The following COL11A1 variants were observed in gnomAD, a reference collection of about 807,000 sequenced individuals.
COL11A1 encodes collagen alpha-1(XI) chain.
A neutral mutation model predicts 265.2 loss-of-function variants in COL11A1; 74 were observed. The observed-to-expected ratio is 0.28, with a 90% CI of 0.23 to 0.34. The LOEUF (loss-of-function observed/expected upper bound fraction) is 0.34, where lower values mean the gene tolerates loss of function less well. Among genes scored for constraint, COL11A1 ranks in the 10% least tolerant of loss-of-function variants. COL11A1 has a pLI of 1.00. For synonymous variants in COL11A1, 816 were observed against 727.6 expected (o/e 1.12, Z -1.96); for missense variants, 2,165 against 2,263.6 (o/e 0.96, Z 0.88).
At chr1:103,029,514 C>A (rs1292538076) in intron 5 of COL11A1, among the ~76,000 whole-genome samples, 1 of 151,778 alleles carries the variant, frequency 6.6e-6, no homozygotes, top group Non-Finnish European at 1.5e-5. Context: ...GAAGGATCAA[C>A]ATAATTTAGA....
Position 103,026,195 on chromosome 1 carries a change from C to A in COL11A1, c.897+21G>T, listed in dbSNP as rs754628795. 6 of 1,516,760 alleles carry A rather than the reference C, an allele frequency of 4.0e-6. No homozygotes were observed. In the South Asian group the frequency reaches 5.6e-5, roughly 14 times the overall value. 94.0% of individuals were successfully genotyped at this position (1,516,760 alleles called of 1,614,324 possible). A position where few individuals can be genotyped will look rare whatever the true frequency, so the allele number is the denominator to read the frequency against. On this transcript the variant is annotated intron_variant, in intron 6 of 66. Transcript: ENST00000370096. Reference sequence around the variant, plus strand: ...GACGAACAGCAGGACACCACATACACAGGCACTGCTTTGTTTTTACCTCCG... The same window carrying A: ...GACGAACAGCAGGACACCACATACAAAGGCACTGCTTTGTTTTTACCTCCG...
intron 1 of COL11A1, among the ~76,000 whole-genome samples, chr1:103,084,683 A>T (rs1034046989): frequency 6.6e-6 from 1 of 152,170 alleles, no homozygotes; most frequent in Non-Finnish European, 1.5e-5. Flanking sequence ...TAAGCAAGTC[A>T]GGACATGAAT....
intron 48 of COL11A1, 65 bp downstream of exon 48, chr1:102,921,453 T>A (rs1330891921): frequency 3.9e-6 from 5 of 1,290,284 alleles, no homozygotes; most frequent in Admixed American, 3.6e-5. Context: ...ACAAAGAGCA[T>A]CTGCTATAAA....
At chr1:102,891,102 A>T (rs1430268753) in intron 57 of COL11A1, among the ~76,000 whole-genome samples, 1 of 152,054 alleles carries the variant, frequency 6.6e-6, no homozygotes, top group Non-Finnish European at 1.5e-5. Context: ...TAATTCTTCT[A>T]GGCCATGGCC....
At position 103,097,269 on chromosome 1, in the gene COL11A1, C is replaced by T. The variant is rs191817649; in HGVS notation, c.106+10804G>A. On this transcript the variant is annotated intron_variant, in intron 1 of 66. Transcript: ENST00000370096. ...TTATGATCTTGTGTTATGTGTCCCCCGCCTTCTTCCCCAGCACCATCTCAC... is the reference window on the plus strand; with the variant it reads ...TTATGATCTTGTGTTATGTGTCCCCTGCCTTCTTCCCCAGCACCATCTCAC... Among the ~76,000 whole-genome samples, 12 of 152,008 alleles carry T rather than the reference C, an allele frequency of 7.9e-5. No homozygotes were observed. The East Asian group carries it at 1.9e-3, about 24-fold the overall frequency.
chr1:103,090,503 C>A (rs7544816), intron 1 of COL11A1, among the ~76,000 whole-genome samples: 10,192 of 152,126 alleles, frequency 0.067, 503 homozygotes, highest in African/African-American at 0.13. Flanking sequence ...CTGGGACATG[C>A]CAAGCCTATA....
At chr1:103,017,739 G>A in intron 11 of COL11A1, 81 bp downstream of exon 11, 1 of 1,227,294 alleles carries the variant, frequency 8.1e-7, no homozygotes, top group Non-Finnish European at 1.2e-6. Context: ...AAGATAACAT[G>A]TTATACTTGT....
At position 102,996,004 on chromosome 1, in the gene COL11A1, G is replaced by A. The variant is rs745385206; in HGVS notation, c.2280C>T (p.Gly760=). ...PGPQGPIGYP[G]PRGVKGADGV... The stretch of plus-strand genomic sequence containing the variant: ...TTAACGTTACCTTTACTCCCCGGGG[G>A]CCCGGGTATCCAATAGGACCTTGTG... Residue 760 remains glycine (G), a synonymous_variant, in exon 27 of 67, where the codon GGC becomes GGT. Coordinates refer to ENST00000370096, the MANE Select transcript of COL11A1 (RefSeq NM_001854.4). 12 of 1,613,192 alleles carry A rather than the reference G, an allele frequency of 7.4e-6. No homozygotes were observed. The African/African-American group carries it at 1.1e-4, about 14-fold the overall frequency.
At chr1:103,025,890 G>T in intron 6 of COL11A1, 1 of 1,612,644 alleles carries the variant, frequency 6.2e-7, no homozygotes, top group South Asian at 1.1e-5. Flanking sequence ...TAAACTTTTT[G>T]GATTTTTCCT....
rs1661053088 is a variant in COL11A1, at chr1:102,962,827, A to C, written c.2917-67T>G. On this transcript the variant is annotated intron_variant, in intron 38 of 66. Coordinates refer to ENST00000370096, the MANE Select transcript of COL11A1 (RefSeq NM_001854.4). ...TTTTGGCAAAGATAACACAAACTCA[A>C]AAACAGTATTATTACATTTACAAAA... 7.8e-6 allele frequency: 11 copies of C among 1,407,574 alleles called. No individual in the cohort carries two copies. The Admixed American group carries it at 1.7e-4, about 22-fold the overall frequency. The allele number at this position is 1,407,574 out of a possible 1,614,324, so 87.2% of individuals were successfully genotyped here.
chr1:102,985,561 A>T (rs1281508475), intron 30 of COL11A1, among the ~76,000 whole-genome samples: 1 of 152,172 alleles, frequency 6.6e-6, no homozygotes, highest in Non-Finnish European at 1.5e-5. Context: ...GGTAATTACC[A>T]CATTAGAATG....
chr1:103,099,116 TTTCTGTTCTAGATGGA>T (rs1317126835), intron 1 of COL11A1, among the ~76,000 whole-genome samples: 2 of 151,810 alleles, frequency 1.3e-5, no homozygotes, highest in East Asian at 3.9e-4. Context: ...TTCTAGATGC[TTTCTGTTCTAGATGGA>T]TTCTGTTCTA....
intron 21 of COL11A1, 67 bp downstream of exon 21, chr1:103,003,148 T>C (rs1483128317): frequency 6.5e-7 from 1 of 1,541,472 alleles, no homozygotes; most frequent in East Asian, 2.3e-5. Flanking sequence ...TGAGGGCTTT[T>C]ATGGCCTCTA....
At position 102,888,747 on chromosome 1, in the gene COL11A1, G is replaced by A. The variant is rs775945644; in HGVS notation, c.4530C>T (p.Gly1510=). The change falls in exon 61 of 67, where the codon GGC becomes GGT. Residue 1510 remains glycine, a synonymous_variant. Coordinates refer to ENST00000370096, the MANE Select transcript of COL11A1 (RefSeq NM_001854.4). ...CAGTAGAGCCTTTGTTACCCTTTGG[G>A]CCTTGAGGACCCTACAAAATGCAAA... ...PGPPGLPGPQ[G]PKGNKGSTGP... is the part of the protein sequence containing the mutation. 2.5e-6 allele frequency: 4 copies of A among 1,613,930 alleles called. No individual in the cohort carries two copies. In the South Asian group the frequency reaches 4.4e-5, roughly 18 times the overall value.
chr1:103,037,769 T>A (rs1024586689), intron 4 of COL11A1, among the ~76,000 whole-genome samples: 22 of 152,190 alleles, frequency 1.4e-4, no homozygotes, highest in African/African-American at 5.3e-4. Flanking sequence ...AAACTTTTAA[T>A]ATTAACATTT....
chr1:102,937,916 C>T (rs1293751460), intron 44 of COL11A1, among the ~76,000 whole-genome samples: 2 of 152,162 alleles, frequency 1.3e-5, no homozygotes, highest in African/African-American at 4.8e-5. Flanking sequence ...CAAACATATG[C>T]AGCCGGTTTT....
chr1:102,890,536 A>G, intron 57 of COL11A1, 32 bp from the exon 58 acceptor site: 1 of 1,568,556 alleles, frequency 6.4e-7, no homozygotes, highest in Non-Finnish European at 8.7e-7. Context: ...ACCCCAAAAC[A>G]AAAACAGAGT....
At chr1:103,045,599 T>G (rs908121049) in intron 4 of COL11A1, among the ~76,000 whole-genome samples, 1 of 152,016 alleles carries the variant, frequency 6.6e-6, no homozygotes, top group East Asian at 1.9e-4. Flanking sequence ...ATTTAAATAA[T>G]ATATCAATAT....
At chr1:102,978,567 A>G in intron 35 of COL11A1, 141 bp downstream of exon 35, 2 of 910,246 alleles carry the variant, frequency 2.2e-6, no homozygotes, top group Non-Finnish European at 3.5e-6. Flanking sequence ...ATAAATTAAA[A>G]AATAAGCGTT....
Sources: allele counts gnomAD v4.1 joint callset (sites outside exome capture counted in the v4.1 genomes callset), GRCh38; gene constraint gnomAD v4.1.1; transcripts MANE v1.5; gene names NCBI Gene and HGNC (gene_info 2026-07-23, HGNC 2026-07-21).